The following ARHGAP5 variants were observed in gnomAD, a reference collection of about 807,000 sequenced individuals.
ARHGAP5 encodes rho GTPase-activating protein 5.
Under a neutral mutation model 116.6 loss-of-function variants are expected in ARHGAP5, and 23 were observed. That is an observed-to-expected ratio of 0.20 (90% CI 0.14 to 0.28). ARHGAP5 has a LOEUF of 0.28. ARHGAP5 is among the 10% of genes least tolerant of loss of function. ARHGAP5 has a pLI of 1.00. For synonymous variants in ARHGAP5, 574 were observed against 602.0 expected (o/e 0.95, Z 0.68); for missense variants, 1,405 against 1,774.8 (o/e 0.79, Z 3.74).
chr14:32,115,927 G>A (rs1394667416), intron 2 of ARHGAP5, among the ~76,000 whole-genome samples: 2 of 151,710 alleles, frequency 1.3e-5, no homozygotes, highest in Admixed American at 6.6e-5. Flanking sequence ...CCCGGGAGGC[G>A]GAGGTTGCAG....
At chr14:32,128,785 A>G (rs1400779024) in intron 3 of ARHGAP5, among the ~76,000 whole-genome samples, 2 of 152,138 alleles carry the variant, frequency 1.3e-5, no homozygotes, top group Non-Finnish European at 2.9e-5. Flanking sequence ...TTTGTTGAAG[A>G]CTTTTGCATC....
chr14:32,097,268 G>T (rs1327488773), intron 2 of ARHGAP5, among the ~76,000 whole-genome samples: 1 of 152,156 alleles, frequency 6.6e-6, no homozygotes, highest in Admixed American at 6.5e-5. Flanking sequence ...ACCTTGAACA[G>T]TATGTAAAAG....
chr14:32,105,110 G>A (rs968062455), intron 2 of ARHGAP5, among the ~76,000 whole-genome samples: 2 of 152,180 alleles, frequency 1.3e-5, no homozygotes, highest in Non-Finnish European at 2.9e-5. Context: ...CCCTGGTGTA[G>A]GAGACTATGT....
chr14:32,084,847 A>T (rs1231390091), intron 1 of ARHGAP5, among the ~76,000 whole-genome samples: 1 of 152,176 alleles, frequency 6.6e-6, no homozygotes, highest in Non-Finnish European at 1.5e-5. Flanking sequence ...CTCTCTACAA[A>T]AAAATTTAAA....
intron 2 of ARHGAP5, among the ~76,000 whole-genome samples, chr14:32,106,306 A>G (rs558393499): frequency 6.6e-6 from 1 of 152,082 alleles, no homozygotes; most frequent in Non-Finnish European, 1.5e-5. Context: ...TTTTTAGTAG[A>G]GACGGGCTTT....
chr14:32,104,083 C>T (rs192813234), intron 2 of ARHGAP5, among the ~76,000 whole-genome samples: 96 of 152,166 alleles, frequency 6.3e-4, no homozygotes, highest in African/African-American at 2.1e-3. Flanking sequence ...GGAGTTTTAA[C>T]GGTTTCAAAT....
At chr14:32,103,989 T>A (rs776852785) in intron 2 of ARHGAP5, among the ~76,000 whole-genome samples, 1 of 152,262 alleles carries the variant, frequency 6.6e-6, no homozygotes, top group Non-Finnish European at 1.5e-5. Flanking sequence ...TTTGAACTTT[T>A]TGGAAATTGT....
At chr14:32,144,723 A>G (rs1457757008) in intron 3 of ARHGAP5, among the ~76,000 whole-genome samples, 1 of 152,148 alleles carries the variant, frequency 6.6e-6, no homozygotes, top group African/African-American at 2.4e-5. Context: ...ACCTCAAGTG[A>G]TCCACCCACC....
intron 3 of ARHGAP5, among the ~76,000 whole-genome samples, chr14:32,135,170 G>A (rs1161259276): frequency 6.6e-6 from 1 of 152,132 alleles, no homozygotes; most frequent in Non-Finnish European, 1.5e-5. Flanking sequence ...AAAGTATTGA[G>A]TGCCTAGAAA....
chr14:32,109,396 C>T (rs936060839), intron 2 of ARHGAP5, among the ~76,000 whole-genome samples: 1 of 152,166 alleles, frequency 6.6e-6, no homozygotes, highest in South Asian at 2.1e-4. Context: ...TATTCCACCT[C>T]CCAAATAGTA....
At chr14:32,138,195 A>G (rs913487212) in intron 3 of ARHGAP5, among the ~76,000 whole-genome samples, 6 of 152,070 alleles carry the variant, frequency 3.9e-5, no homozygotes, top group Non-Finnish European at 8.8e-5. Flanking sequence ...TTGCTGGAGT[A>G]TAAAAATACA....
rs778545508 is a variant in ARHGAP5 at position 32,154,958 on chromosome 14, G to A, written c.*10G>A. 8.7e-6 allele frequency: 14 copies of A among 1,602,260 alleles called. No individual in the cohort carries two copies. The African/African-American group carries it at 1.9e-4, about 21-fold the overall frequency. On this transcript the variant is annotated 3_prime_UTR_variant, in exon 7 of 7. Transcript: ENST00000345122. ...TCTTGGTATTATATGAGTAGGAAGTGATTGCAAACAGGCTGGATTTGGACA... is the reference window on the plus strand; with the variant it reads ...TCTTGGTATTATATGAGTAGGAAGTAATTGCAAACAGGCTGGATTTGGACA...
rs1000905831 is a variant in ARHGAP5 at position 32,120,221 on chromosome 14, G to A, written c.3865+2934G>A. Among the ~76,000 whole-genome samples the A allele has an allele frequency of 3.3e-5, 5 of 151,956 alleles. No individual in the cohort carries two copies. The South Asian group carries it at 8.3e-4, about 25-fold the overall frequency. ...CATTCATTTCATCTAAATTGACAAG[G>A]TTTTTAATAAAATTCCTTATTATCC... On this transcript the variant is annotated intron_variant, in intron 3 of 6. Transcript: ENST00000345122.
At position 32,145,188 on chromosome 14, in the gene ARHGAP5, G is replaced by T. The variant is rs529652978; in HGVS notation, c.3866-1075G>T. On this transcript the variant is annotated intron_variant, in intron 3 of 6. Coordinates refer to ENST00000345122, the MANE Select transcript of ARHGAP5 (RefSeq NM_001030055.2). Reference sequence around the variant, plus strand: ...TTCACTGATAATATAGCATGGTGGGGTAGGTAGGGCATCTCTTACCTAGGA... The same window carrying T: ...TTCACTGATAATATAGCATGGTGGGTTAGGTAGGGCATCTCTTACCTAGGA... Among the ~76,000 whole-genome samples, 82 of 152,300 alleles carry T rather than the reference G, an allele frequency of 5.4e-4. 1 individual carries two copies. The highest frequency in any genetic ancestry group is 1.8e-3 in the African/African-American group (75 of 41,552).
At chr14:32,145,220 G>A (rs1881320628) in intron 3 of ARHGAP5, among the ~76,000 whole-genome samples, 2 of 152,146 alleles carry the variant, frequency 1.3e-5, no homozygotes, top group South Asian at 2.1e-4. Context: ...AGGATTGGTG[G>A]TGGAAGTTTA....
At chr14:32,134,548 T>C (rs1880684902) in intron 3 of ARHGAP5, among the ~76,000 whole-genome samples, 1 of 152,188 alleles carries the variant, frequency 6.6e-6, no homozygotes, top group Non-Finnish European at 1.5e-5. Flanking sequence ...AATGCATCAT[T>C]AAAAACAGCA....
At chr14:32,133,934 T>A (rs778095088) in intron 3 of ARHGAP5, among the ~76,000 whole-genome samples, 1 of 152,052 alleles carries the variant, frequency 6.6e-6, no homozygotes, top group East Asian at 1.9e-4. Context: ...GGATGTCCAA[T>A]CAATAGAAAA....
Position 32,092,142 on chromosome 14 carries a change from A to G in ARHGAP5, c.1473A>G (p.Gln491=), listed in dbSNP as rs766713635. ...TTGAAAAAGCCAAAGAAGAGTTTCAAGAAATGCTTTTTGAGCATTCTGAAC... is the reference window on the plus strand; with the variant it reads ...TTGAAAAAGCCAAAGAAGAGTTTCAGGAAATGCTTTTTGAGCATTCTGAAC... ...EIVEKAKEEF[Q]EMLFEHSELF... The change falls in exon 2 of 7, where the codon CAA becomes CAG. Residue 491 remains glutamine, a synonymous_variant. Transcript: ENST00000345122. This position sits in a 1 kb window ranked among gnomAD's most constrained non-coding sequence, Gnocchi z 4.1. 6.2e-7 allele frequency: 1 copy of G among 1,613,902 alleles called. No homozygotes were observed. Among genetic ancestry groups the G allele is most frequent in the East Asian group, 2.2e-5 (1 of 44,868 alleles).
intron 5 of ARHGAP5, 138 bp downstream of exon 5, chr14:32,150,171 C>T (rs1881578421): frequency 1.6e-6 from 1 of 639,466 alleles, no homozygotes; most frequent in African/African-American, 1.9e-5. Context: ...TTCTTAAAGG[C>T]ATTTTCCTCT....
Sources: gnomAD v4.1 joint callset for allele counts (sites outside exome capture counted in the v4.1 genomes callset) on GRCh38, gnomAD v4.1.1 for gene constraint, Gnocchi (gnomAD v3.1) non-coding constraint, MANE v1.5 for transcripts, NCBI Gene and HGNC (gene_info 2026-07-23, HGNC 2026-07-21) for gene names.